The following SPMIP11 variants were observed in gnomAD, a reference collection of about 807,000 sequenced individuals.
SPMIP11 encodes the protein long intergenic non-protein coding RNA 935.
the SPMIP11 span, among the ~76,000 whole-genome samples, chr12:48,750,196 C>A: frequency 0.27 from 40,368 of 151,742 alleles, 6,213 homozygotes; most frequent in East Asian, 0.73. Flanking sequence ...TACTAAAAAT[C>A]AAAAAAATTG....
At chr12:48,764,734 C>G in the SPMIP11 span, 2 of 619,324 alleles carry the variant, frequency 3.2e-6, no homozygotes, top group South Asian at 3.8e-5. Flanking sequence ...GACCTCTCAG[C>G]ACCTGGTCCG....
chr12:48,759,271 G>A, the SPMIP11 span: 419 of 702,946 alleles, frequency 6.0e-4, 2 homozygotes, highest in South Asian at 5.1e-3. Context: ...GAATTATTCC[G>A]TGCACCAGAA....
the SPMIP11 span, among the ~76,000 whole-genome samples, chr12:48,743,117 G>A: frequency 6.6e-6 from 1 of 151,468 alleles, no homozygotes. Flanking sequence ...CAAAAATAAG[G>A]CTGGGCGTGG....
chr12:48,740,766 A>G, the SPMIP11 span, among the ~76,000 whole-genome samples: 8 of 152,012 alleles, frequency 5.3e-5, no homozygotes, highest in East Asian at 1.6e-3. Flanking sequence ...CGGTGCCTCT[A>G]ATGCTAGCTA....
At chr12:48,744,329 C>G in the SPMIP11 span, among the ~76,000 whole-genome samples, 1 of 151,494 alleles carries the variant, frequency 6.6e-6, no homozygotes, top group Non-Finnish European at 1.5e-5. Context: ...TCGCTTGAAA[C>G]CAGGAGGTAG....
the SPMIP11 span, among the ~76,000 whole-genome samples, chr12:48,750,854 C>A: frequency 6.6e-6 from 1 of 152,138 alleles, no homozygotes; most frequent in Non-Finnish European, 1.5e-5. Context: ...TTGATTTCAC[C>A]TTGTTAATAC....
chr12:48,745,376 A>G, the SPMIP11 span, among the ~76,000 whole-genome samples: 1 of 151,908 alleles, frequency 6.6e-6, no homozygotes, highest in Admixed American at 6.6e-5. Context: ...AGGCTGAGGC[A>G]GGCAGTTCAT....
At chr12:48,762,431 G>A in the SPMIP11 span, among the ~76,000 whole-genome samples, 492 of 137,302 alleles carry the variant, frequency 3.6e-3, 3 homozygotes, top group African/African-American at 0.013. Flanking sequence ...GCAATGGTGC[G>A]ATCTCGGCTC....
chr12:48,762,425 T>TG, the SPMIP11 span, among the ~76,000 whole-genome samples: 2 of 126,378 alleles, frequency 1.6e-5, no homozygotes, highest in Non-Finnish European at 1.6e-5. Context: ...TGGAGTGCAA[T>TG]GGTGCGATCT....
At chr12:48,771,377 C>T in the SPMIP11 span, 4 of 503,568 alleles carry the variant, frequency 7.9e-6, no homozygotes, top group East Asian at 1.1e-4. This position sits in a 1 kb window ranked among gnomAD's most constrained non-coding sequence, Gnocchi z 4.3. Context: ...ATTCAGAGGA[C>T]CATCTTGCTT....
the SPMIP11 span, among the ~76,000 whole-genome samples, chr12:48,737,500 C>T: frequency 4.0e-5 from 6 of 150,226 alleles, no homozygotes; most frequent in Admixed American, 1.3e-4. Flanking sequence ...CAACAATGTC[C>T]GCCTCCTGGG....
At chr12:48,755,373 A>G in the SPMIP11 span, among the ~76,000 whole-genome samples, 2 of 152,178 alleles carry the variant, frequency 1.3e-5, no homozygotes, top group African/African-American at 4.8e-5. Context: ...TGTATCACCT[A>G]CCGACAGAAT....
chr12:48,755,626 G>A, the SPMIP11 span, among the ~76,000 whole-genome samples: 1 of 152,100 alleles, frequency 6.6e-6, no homozygotes, highest in Non-Finnish European at 1.5e-5. Context: ...CCATAGGAAG[G>A]CATCCAGGTG....
chr12:48,729,047 C>T, the SPMIP11 span, among the ~76,000 whole-genome samples: 1 of 152,212 alleles, frequency 6.6e-6, no homozygotes, highest in Non-Finnish European at 1.5e-5. Flanking sequence ...GTTTGAATAA[C>T]TGTAAAACAG....
the SPMIP11 span, chr12:48,736,026 AG>A: frequency 4.7e-6 from 2 of 425,556 alleles, no homozygotes; most frequent in Non-Finnish European, 9.3e-6. Flanking sequence ...TATGTAAAAA[AG>A]TTTCACTGCT....
At chr12:48,733,276 T>C in the SPMIP11 span, among the ~76,000 whole-genome samples, 2 of 151,926 alleles carry the variant, frequency 1.3e-5, no homozygotes, top group South Asian at 2.1e-4. Context: ...GGTTTCACCA[T>C]GTTGGCCAGG....
At chr12:48,756,790 T>C in the SPMIP11 span, among the ~76,000 whole-genome samples, 1 of 151,118 alleles carries the variant, frequency 6.6e-6, no homozygotes, top group South Asian at 2.1e-4. Context: ...TTTTTTTTTT[T>C]TTTGAGACAG....
the SPMIP11 span, chr12:48,771,112 A>T: frequency 2.4e-6 from 2 of 818,656 alleles, no homozygotes; most frequent in Non-Finnish European, 3.8e-6. The surrounding 1 kb of genome is among the most constrained non-coding windows in gnomAD (Gnocchi z 4.3). Context: ...CTATCAGTGT[A>T]AGACTGAGGA....
At chr12:48,740,541 G>C in the SPMIP11 span, among the ~76,000 whole-genome samples, 1 of 143,336 alleles carries the variant, frequency 7.0e-6, no homozygotes, top group Admixed American at 7.2e-5. Context: ...CTCCCAGGCT[G>C]CAATGCATTG....
Sources: gnomAD v4.1 joint callset for allele counts (sites outside exome capture counted in the v4.1 genomes callset) on GRCh38, gnomAD v4.1.1 for gene constraint, Gnocchi (gnomAD v3.1) non-coding constraint, MANE v1.5 for transcripts, NCBI Gene and HGNC (gene_info 2026-07-23, HGNC 2026-07-21) for gene names.